NKAIN2: variants seen among roughly 807,000 people sequenced by gnomAD.
NKAIN2 encodes sodium/potassium transporting ATPase interacting 2.
In NKAIN2, 14 loss-of-function variants were observed where a neutral mutation model predicts 32.6. The ratio of observed to expected loss-of-function variants is 0.43; its 90% CI spans 0.28 to 0.67. The LOEUF (loss-of-function observed/expected upper bound fraction) is 0.67. NKAIN2 is among the 30% of genes least tolerant of loss of function. NKAIN2 has a pLI of 0.17. For synonymous variants in NKAIN2, 80 were observed against 87.2 expected (o/e 0.92, Z 0.46); for missense variants, 198 against 258.3 (o/e 0.77, Z 1.60).
Position 124,342,814 on chromosome 6 carries a change from T to TTTATTATTATTA in NKAIN2, c.193-12430_193-12419dup, listed in dbSNP as rs56290836. On this transcript the variant is annotated intron_variant, in intron 2 of 6. Transcript: ENST00000368417. ...GCCACCACACCTGCCCAGAAGATGTTTTATTATTATTATTATTATTATTAT... is the reference window on the plus strand; with the variant it reads ...GCCACCACACCTGCCCAGAAGATGTTTTATTATTATTATTATTATTATTATTATTATTATTAT... 6.0e-3 allele frequency among the ~76,000 whole-genome samples: 868 copies of TTTATTATTATTA among 145,488 alleles called. 6 individuals are homozygous for TTTATTATTATTA. Among genetic ancestry groups the TTTATTATTATTA allele is most frequent in the African/African-American group, 0.02 (791 of 39,054 alleles).
chr6:124,113,888 C>T (rs1192248442), intron 1 of NKAIN2, among the ~76,000 whole-genome samples: 5 of 152,142 alleles, frequency 3.3e-5, no homozygotes, highest in East Asian at 3.9e-4. Context: ...GTGGCTGAAT[C>T]GATATGCTTG....
At chr6:124,480,099 A>G (rs1002341190) in intron 3 of NKAIN2, among the ~76,000 whole-genome samples, 1 of 152,188 alleles carries the variant, frequency 6.6e-6, no homozygotes, top group Non-Finnish European at 1.5e-5. Flanking sequence ...TTCTGAGGTC[A>G]TTTGCTTTTT....
intron 2 of NKAIN2, among the ~76,000 whole-genome samples, chr6:124,286,642 T>TTGTGTG (rs56396833): frequency 0.027 from 3,869 of 144,522 alleles, 65 homozygotes; most frequent in African/African-American, 0.041. Context: ...GTTTGGAAAA[T>TTGTGTG]TGTGTGTGTG....
intron 1 of NKAIN2, among the ~76,000 whole-genome samples, chr6:124,278,650 C>CATT (rs1317788062): frequency 4.5e-4 from 31 of 68,992 alleles, no homozygotes; most frequent in African/African-American, 1.4e-3. Context: ...ATACATAGCT[C>CATT]ATATATATAT....
intron 2 of NKAIN2, among the ~76,000 whole-genome samples, chr6:124,332,351 CCTT>C (rs1236812650): frequency 6.6e-6 from 1 of 151,740 alleles, no homozygotes; most frequent in South Asian, 2.1e-4. Context: ...TCTTACTTGG[CCTT>C]CTTTCATCTT....
intron 3 of NKAIN2, among the ~76,000 whole-genome samples, chr6:124,648,895 G>T (rs1483664659): frequency 7.9e-5 from 12 of 151,978 alleles, no homozygotes; most frequent in Non-Finnish European, 1.6e-4. Flanking sequence ...ATAGCACATG[G>T]GTCAAGAATA....
At chr6:124,348,329 G>A (rs1798541644) in intron 2 of NKAIN2, among the ~76,000 whole-genome samples, 1 of 152,200 alleles carries the variant, frequency 6.6e-6, no homozygotes, top group South Asian at 2.1e-4. Context: ...CAGATCTCCA[G>A]CTGCGTGCTG....
intron 2 of NKAIN2, among the ~76,000 whole-genome samples, chr6:124,323,777 ATTTTTTCTT>A (rs1205570994): frequency 6.1e-5 from 7 of 115,496 alleles, no homozygotes; most frequent in African/African-American, 2.8e-4. Flanking sequence ...AATTCTTTTA[ATTTTTTCTT>A]TTTTTTTTTT....
Position 124,818,370 on chromosome 6 carries a change from G to C in NKAIN2, c.536-17G>C, listed in dbSNP as rs781328241. 4.6e-5 allele frequency: 67 copies of C among 1,470,066 alleles called. 2 individuals are homozygous for C. In the South Asian group the frequency reaches 7.7e-4, roughly 17 times the overall value. 91.1% of individuals were successfully genotyped at this position (1,470,066 alleles called of 1,614,324 possible). A position where few individuals can be genotyped will look rare whatever the true frequency, so the allele number is the denominator to read the frequency against. On this transcript the variant is annotated splice_polypyrimidine_tract_variant and intron_variant, in intron 5 of 6. Coordinates refer to ENST00000368417, the MANE Select transcript of NKAIN2 (RefSeq NM_001040214.3). ...TATCTCTTCTGAAAAGCTAATTAAT[G>C]AATTGTCCCTTTTCAGTTGATTTCA...
intron 1 of NKAIN2, among the ~76,000 whole-genome samples, chr6:123,820,949 A>G (rs535639401): frequency 6.6e-6 from 1 of 152,330 alleles, no homozygotes; most frequent in South Asian, 2.1e-4. Flanking sequence ...TCAAGAAACA[A>G]TTAGAATGAA....
chr6:124,013,192 A>T (rs1359406765), intron 1 of NKAIN2, among the ~76,000 whole-genome samples: 1 of 152,084 alleles, frequency 6.6e-6, no homozygotes, highest in Non-Finnish European at 1.5e-5. Context: ...TTATTCTAGA[A>T]TTTTGAATTT....
At chr6:123,934,306 G>A (rs1240462063) in intron 1 of NKAIN2, among the ~76,000 whole-genome samples, 1 of 152,064 alleles carries the variant, frequency 6.6e-6, no homozygotes, top group Non-Finnish European at 1.5e-5. Context: ...TCCACCCTGT[G>A]ATGCTCATGC....
intron 4 of NKAIN2, among the ~76,000 whole-genome samples, chr6:124,725,979 C>A (rs1009154355): frequency 6.6e-6 from 1 of 152,214 alleles, no homozygotes. Flanking sequence ...CACTCCCACC[C>A]GAATACTGCG....
intron 1 of NKAIN2, among the ~76,000 whole-genome samples, chr6:123,961,667 T>C (rs548839427): frequency 6.6e-6 from 1 of 152,334 alleles, no homozygotes; most frequent in Admixed American, 6.5e-5. Context: ...TGACCACTGC[T>C]ACTTTGCATT....
intron 2 of NKAIN2, among the ~76,000 whole-genome samples, chr6:124,349,013 A>G (rs981542362): frequency 5.3e-5 from 8 of 152,110 alleles, no homozygotes; most frequent in African/African-American, 1.9e-4. Context: ...TGTTTTTAAG[A>G]CAAGATTTGT....
chr6:124,560,114 G>C (rs973414632), intron 3 of NKAIN2, among the ~76,000 whole-genome samples: 29 of 152,090 alleles, frequency 1.9e-4, no homozygotes, highest in Non-Finnish European at 7.4e-5. Flanking sequence ...TGGCTTGGCT[G>C]TGTCCCCACC....
intron 1 of NKAIN2, among the ~76,000 whole-genome samples, chr6:124,017,917 A>G (rs796739797): frequency 5.0e-4 from 76 of 152,244 alleles, no homozygotes; most frequent in African/African-American, 1.8e-3. Context: ...TCCACTAGTC[A>G]GTGCCCCAGT....
chr6:124,734,221 CA>C (rs1776830043), intron 4 of NKAIN2, among the ~76,000 whole-genome samples: 1 of 151,714 alleles, frequency 6.6e-6, no homozygotes, highest in Admixed American at 6.6e-5. Flanking sequence ...CCTTATTATT[CA>C]TATCCAACAA....
chr6:124,692,962 T>G (rs546144940), intron 4 of NKAIN2, among the ~76,000 whole-genome samples: 1 of 152,352 alleles, frequency 6.6e-6, no homozygotes, highest in African/African-American at 2.4e-5. Context: ...TTTAGTATAA[T>G]TTGAACTCAT....
Sources: gnomAD v4.1 joint callset for allele counts (sites outside exome capture counted in the v4.1 genomes callset) on GRCh38, gnomAD v4.1.1 for gene constraint, MANE v1.5 for transcripts, NCBI Gene and HGNC (gene_info 2026-07-23, HGNC 2026-07-21) for gene names.